The following PDE3A variants were observed in gnomAD, a reference collection of about 807,000 sequenced individuals.
PDE3A encodes the protein cGMP-inhibited 3',5'-cyclic phosphodiesterase 3A.
PDE3A carries 43 observed loss-of-function variants against 98.3 expected under a neutral mutation model. That is an observed-to-expected ratio of 0.44 (90% CI 0.34 to 0.56). PDE3A has a LOEUF of 0.56. Ranked by LOEUF, PDE3A falls within the 20% of genes least tolerant of loss-of-function variation. The pLI, the probability that PDE3A is intolerant of heterozygous loss-of-function variation, is 0.01. For missense variants in PDE3A, 1,427 were observed against 1,440.7 expected, an observed-to-expected ratio of 0.99 and a Z score of 0.15; for synonymous variants, 663 against 567.9, an observed-to-expected ratio of 1.17 and a Z score of -2.38.
chr12:20,612,310 T>G (rs569191261), intron 2 of PDE3A, among the ~76,000 whole-genome samples: 177 of 151,798 alleles, frequency 1.2e-3, no homozygotes, highest in African/African-American at 4.1e-3. Context: ...CCTTTTTCAA[T>G]TTTGTCCTTT....
rs971433309 is a variant in PDE3A at position 20,664,628 on chromosome 12, T to C, written c.3184+10423T>C. Among the ~76,000 whole-genome samples, 6 of 152,194 alleles carry C rather than the reference T, an allele frequency of 3.9e-5. 1 individual carries two copies. Among genetic ancestry groups the C allele is most frequent in the African/African-American group, 1.4e-4 (6 of 41,456 alleles). Reference sequence around the variant, plus strand: ...CCCATATTGTTCTCCTGGTACTGAATAAGTCATGGATCTGATGATTTTATA... The same window carrying C: ...CCCATATTGTTCTCCTGGTACTGAACAAGTCATGGATCTGATGATTTTATA... On this transcript the variant is annotated intron_variant, in intron 15 of 15. Transcript: ENST00000359062.
chr12:20,588,866 T>C (rs1324324902), intron 2 of PDE3A, among the ~76,000 whole-genome samples: 2 of 152,148 alleles, frequency 1.3e-5, no homozygotes, highest in African/African-American at 2.4e-5. Flanking sequence ...TTTTCATGTT[T>C]TACTTATTTT....
rs536646205 is a variant in PDE3A at position 20,525,725 on chromosome 12, A to T, written c.961-30935A>T. On this transcript the variant is annotated intron_variant, in intron 1 of 15. Transcript: ENST00000359062. Reference sequence around the variant, plus strand: ...AAAATTTGACCGACTACAAAATATTACTTCATTTTTGGGGGGTTTAGTCTG... The same window carrying T: ...AAAATTTGACCGACTACAAAATATTTCTTCATTTTTGGGGGGTTTAGTCTG... Among the ~76,000 whole-genome samples, 14 of 152,270 alleles carry T rather than the reference A, an allele frequency of 9.2e-5. No individual in the cohort carries two copies. In the South Asian group the frequency reaches 2.9e-3, roughly 32 times the overall value.
chr12:20,538,180 C>T (rs566044227), intron 1 of PDE3A, among the ~76,000 whole-genome samples: 9 of 152,156 alleles, frequency 5.9e-5, no homozygotes, highest in East Asian at 1.9e-4. Context: ...CATGAAAAAT[C>T]GCACTCTGTG....
intron 5 of PDE3A, among the ~76,000 whole-genome samples, chr12:20,623,147 G>A (rs571752209): frequency 7.2e-5 from 11 of 152,078 alleles, no homozygotes; most frequent in African/African-American, 2.7e-4. Context: ...TATTAAACTG[G>A]GTAGAGAAAG....
At position 20,468,703 on chromosome 12, in the gene PDE3A, T is replaced by C. The variant is rs147535627; in HGVS notation, c.961-87957T>C. The stretch of plus-strand genomic sequence containing the variant: ...GGTTATTGTGACTTTTAACCTAACT[T>C]CTGTTGAGAGAAATTAAAAACAAGT... On this transcript the variant is annotated intron_variant, in intron 1 of 15. Transcript: ENST00000359062. Among the ~76,000 whole-genome samples the C allele has an allele frequency of 1.1e-4, 16 of 152,282 alleles. No individual in the cohort carries two copies. The East Asian group carries it at 3.1e-3, about 29-fold the overall frequency.
intron 1 of PDE3A, among the ~76,000 whole-genome samples, chr12:20,430,659 T>C (rs372985197): frequency 1.3e-5 from 2 of 152,178 alleles, no homozygotes; most frequent in South Asian, 4.1e-4. Flanking sequence ...GGCTACTCTA[T>C]AGAAATTTTG....
chr12:20,384,973 A>G (rs1943726136), intron 1 of PDE3A, among the ~76,000 whole-genome samples: 1 of 152,046 alleles, frequency 6.6e-6, no homozygotes, highest in South Asian at 2.1e-4. Context: ...GCTATTGTGA[A>G]TAGTACTGCT....
At chr12:20,482,016 G>A (rs1402691056) in intron 1 of PDE3A, among the ~76,000 whole-genome samples, 2 of 151,580 alleles carry the variant, frequency 1.3e-5, no homozygotes, top group Non-Finnish European at 1.5e-5. Context: ...CACCTGCCTC[G>A]GCCTCCCAAA....
At chr12:20,497,363 T>G (rs577914442) in intron 1 of PDE3A, among the ~76,000 whole-genome samples, 1 of 151,816 alleles carries the variant, frequency 6.6e-6, no homozygotes, top group South Asian at 2.1e-4. Flanking sequence ...TATAAACTGA[T>G]TATTTGAAAT....
chr12:20,613,092 A>G (rs1943909316), intron 2 of PDE3A, among the ~76,000 whole-genome samples: 1 of 152,196 alleles, frequency 6.6e-6, no homozygotes, highest in Admixed American at 6.5e-5. Flanking sequence ...AAATTCCTAA[A>G]GAACATAGAT....
chr12:20,475,373 A>G (rs7484589), intron 1 of PDE3A, among the ~76,000 whole-genome samples: 3 of 152,170 alleles, frequency 2.0e-5, no homozygotes, highest in Admixed American at 2.0e-4. Flanking sequence ...AAAGCGTTTT[A>G]AAAACAAAAA....
intron 1 of PDE3A, among the ~76,000 whole-genome samples, chr12:20,466,596 CTA>C (rs1345486701): frequency 6.6e-6 from 1 of 152,106 alleles, no homozygotes; most frequent in East Asian, 1.9e-4. Flanking sequence ...TAAATTATGA[CTA>C]GTGTATTATT....
chr12:20,581,198 T>A (rs1943054137), intron 2 of PDE3A, among the ~76,000 whole-genome samples: 1 of 152,236 alleles, frequency 6.6e-6, no homozygotes, highest in Admixed American at 6.5e-5. Flanking sequence ...AAATGGTTTA[T>A]ATAGTTTAAT....
At chr12:20,491,941 TA>T (rs1945832424) in intron 1 of PDE3A, among the ~76,000 whole-genome samples, 2 of 152,134 alleles carry the variant, frequency 1.3e-5, no homozygotes. Flanking sequence ...TTCCCTGTTG[TA>T]ATCTTACTTC....
At chr12:20,379,060 A>G (rs1943619714) in intron 1 of PDE3A, among the ~76,000 whole-genome samples, 1 of 151,782 alleles carries the variant, frequency 6.6e-6, no homozygotes, top group Non-Finnish European at 1.5e-5. Context: ...GTAAGTTTAA[A>G]TAACTGAATA....
chr12:20,440,082 G>A (rs1015613791), intron 1 of PDE3A, among the ~76,000 whole-genome samples: 1 of 152,142 alleles, frequency 6.6e-6, no homozygotes, highest in Non-Finnish European at 1.5e-5. Context: ...GTCATTGTAT[G>A]ATATAAATCC....
At chr12:20,596,264 T>C (rs1943463636) in intron 2 of PDE3A, among the ~76,000 whole-genome samples, 2 of 152,172 alleles carry the variant, frequency 1.3e-5, no homozygotes, top group Non-Finnish European at 2.9e-5. Flanking sequence ...TTTACTTACT[T>C]AATTTCCTCC....
intron 1 of PDE3A, among the ~76,000 whole-genome samples, chr12:20,539,708 C>T (rs558971228): frequency 3.7e-4 from 56 of 151,678 alleles, no homozygotes; most frequent in Non-Finnish European, 7.5e-4. Context: ...AAGTGACACC[C>T]GAAGAATGAA....
Sources: gnomAD v4.1 joint callset for allele counts (sites outside exome capture counted in the v4.1 genomes callset) on GRCh38, gnomAD v4.1.1 for gene constraint, MANE v1.5 for transcripts, NCBI Gene and HGNC (gene_info 2026-07-23, HGNC 2026-07-21) for gene names.